The following SLC6A11 variants were observed in gnomAD, a reference collection of about 807,000 sequenced individuals.
SLC6A11 encodes sodium- and chloride-dependent GABA transporter 3.
Under a neutral mutation model 74.8 loss-of-function variants are expected in SLC6A11, and 25 were observed. The ratio of observed to expected loss-of-function variants is 0.33; its 90% CI spans 0.24 to 0.47. The LOEUF (loss-of-function observed/expected upper bound fraction) is 0.47. Among genes scored for constraint, SLC6A11 ranks in the 20% least tolerant of loss-of-function variants. The pLI, the probability that SLC6A11 is intolerant of heterozygous loss-of-function variation, is 1.00. For missense variants in SLC6A11, 574 were observed against 837.0 expected (o/e 0.69, Z 3.88); for synonymous variants, 330 against 330.2 (o/e 1.00, Z 0.01).
chr3:10,851,962 G>A (rs139675154), intron 5 of SLC6A11, among the ~76,000 whole-genome samples: 2 of 152,346 alleles, frequency 1.3e-5, no homozygotes, highest in East Asian at 3.9e-4. Context: ...GAGCCATCAG[G>A]AGCCCCACAC....
chr3:10,904,582 C>T (rs533122994), intron 6 of SLC6A11, among the ~76,000 whole-genome samples: 7 of 152,260 alleles, frequency 4.6e-5, no homozygotes, highest in Admixed American at 1.3e-4. Context: ...CAAATTGTGT[C>T]GAGAAATAGG....
intron 4 of SLC6A11, among the ~76,000 whole-genome samples, chr3:10,843,209 G>T (rs1348619938): frequency 6.6e-6 from 1 of 152,154 alleles, no homozygotes; most frequent in Non-Finnish European, 1.5e-5. Context: ...CAACTCTGAA[G>T]AATTGGTGGG....
At chr3:10,897,549 A>G (rs1211403893) in intron 6 of SLC6A11, among the ~76,000 whole-genome samples, 2 of 152,244 alleles carry the variant, frequency 1.3e-5, no homozygotes, top group Admixed American at 6.5e-5. Context: ...TTAAAGCTCC[A>G]AAATGATCTC....
chr3:10,835,326 T>TG (rs963619446), intron 4 of SLC6A11, among the ~76,000 whole-genome samples: 3 of 152,154 alleles, frequency 2.0e-5, no homozygotes, highest in East Asian at 1.9e-4. Flanking sequence ...AGCCATGGGG[T>TG]GGGGGAGGCC....
intron 6 of SLC6A11, among the ~76,000 whole-genome samples, chr3:10,876,094 G>A (rs372828705): frequency 4.6e-5 from 7 of 152,342 alleles, no homozygotes; most frequent in Admixed American, 3.3e-4. Context: ...TCAAGTCTGC[G>A]ATCTGTGGCT....
intron 5 of SLC6A11, among the ~76,000 whole-genome samples, chr3:10,849,476 C>T (rs1694545134): frequency 6.6e-6 from 1 of 152,126 alleles, no homozygotes; most frequent in African/African-American, 2.4e-5. Context: ...AATTATTGAC[C>T]AAGTCTGTTT....
At chr3:10,874,433 C>T (rs1694883793) in intron 5 of SLC6A11, among the ~76,000 whole-genome samples, 1 of 152,194 alleles carries the variant, frequency 6.6e-6, no homozygotes, top group Admixed American at 6.5e-5. Context: ...CTTGTTGCTG[C>T]ACCAGGAAGC....
intron 6 of SLC6A11, among the ~76,000 whole-genome samples, chr3:10,905,017 C>T (rs557815947): frequency 1.3e-5 from 2 of 152,282 alleles, no homozygotes; most frequent in Admixed American, 6.5e-5. Context: ...ACCAAACCCA[C>T]GGAAGGGCTG....
intron 4 of SLC6A11, among the ~76,000 whole-genome samples, chr3:10,842,669 C>G (rs985091991): frequency 6.6e-6 from 1 of 151,914 alleles, no homozygotes; most frequent in Non-Finnish European, 1.5e-5. Context: ...CCATATGATG[C>G]TTACCTTTTT....
Position 10,816,482 on chromosome 3 carries a change from G to C in SLC6A11, c.217G>C (p.Val73Leu). Residue 73 changes from valine to leucine, a missense_variant, in exon 1 of 14, where the codon GTG becomes CTG. Physicochemically the swap from Val to Leu is conservative, Grantham distance 32. Transcript: ENST00000254488. The surrounding 1 kb of genome is among the most constrained non-coding windows in gnomAD (Gnocchi z 4.2). Reference sequence around the variant, plus strand: ...CGGGGAGATCATTGGGCTGGGCAACGTGTGGCGCTTCCCCTACCTGTGCTA... The same window carrying C: ...CGGGGAGATCATTGGGCTGGGCAACCTGTGGCGCTTCCCCTACCTGTGCTA... ...VAGEIIGLGN[V>L]WRFPYLCYKN... 6.2e-7 allele frequency: 1 copy of C among 1,605,082 alleles called. No individual in the cohort carries two copies. The highest frequency in any genetic ancestry group is 2.3e-5 in the East Asian group (1 of 43,884).
At position 10,879,316 on chromosome 3, in the gene SLC6A11, G is replaced by A. The variant is rs112189406; in HGVS notation, c.891+4221G>A. ...TTTCTGTGGCATAAATAAGGATCGC[G>A]ACCCCAAGAGGGAAAGGAAAACAAA... On this transcript the variant is annotated intron_variant, in intron 6 of 13. Coordinates refer to ENST00000254488, the MANE Select transcript of SLC6A11 (RefSeq NM_014229.3). Among the ~76,000 whole-genome samples, 1,178 of 152,212 alleles carry A rather than the reference G, an allele frequency of 7.7e-3. 19 individuals carry two copies. Among genetic ancestry groups the A allele is most frequent in the African/African-American group, 0.027 (1,105 of 41,528 alleles).
chr3:10,865,036 T>C (rs920180213), intron 5 of SLC6A11, among the ~76,000 whole-genome samples: 2 of 152,222 alleles, frequency 1.3e-5, no homozygotes, highest in Non-Finnish European at 2.9e-5. Flanking sequence ...TTGTCTGTGG[T>C]CTTGAACCCT....
chr3:10,892,127 C>T (rs1420026464), intron 6 of SLC6A11, among the ~76,000 whole-genome samples: 9 of 152,318 alleles, frequency 5.9e-5, no homozygotes, highest in African/African-American at 1.4e-4. Flanking sequence ...AGCAAGATGA[C>T]GGGTCTTTGA....
chr3:10,831,793 C>T (rs781369342), intron 4 of SLC6A11, among the ~76,000 whole-genome samples: 8 of 152,320 alleles, frequency 5.3e-5, no homozygotes, highest in Admixed American at 3.9e-4. Flanking sequence ...ATCCCATTTA[C>T]AGTAGTCTGT....
chr3:10,906,415 G>C (rs1309580089), intron 6 of SLC6A11, among the ~76,000 whole-genome samples: 1 of 152,194 alleles, frequency 6.6e-6, no homozygotes, highest in Non-Finnish European at 1.5e-5. Context: ...AGTGACATCT[G>C]CATGATGTCA....
At chr3:10,843,804 C>A (rs1156946970) in intron 4 of SLC6A11, among the ~76,000 whole-genome samples, 1 of 152,134 alleles carries the variant, frequency 6.6e-6, no homozygotes, top group Non-Finnish European at 1.5e-5. Context: ...CACCTGTTGG[C>A]CAAACAATGT....
rs1378387169 is a variant in SLC6A11 at position 10,939,859 on chromosome 3, C to T, written c.*1457C>T. The T allele has an allele frequency of 6.6e-6, 1 of 152,240 alleles. No individual in the cohort carries two copies. The allele number at this position is 152,240 out of a possible 1,614,324, so 9.4% of individuals were successfully genotyped here. A position where few individuals can be genotyped will look rare whatever the true frequency, so the allele number is the denominator to read the frequency against. ...CTCTCTGGCTGATACCGCTCTTCTT[C>T]TTTAATTGGACTTCATATCAAGCCT... On this transcript the variant is annotated 3_prime_UTR_variant, in exon 14 of 14. Transcript: ENST00000254488.
At chr3:10,844,077 T>TC (rs1694471908) in intron 4 of SLC6A11, 137 bp from the exon 5 acceptor site, 1 of 984,774 alleles carries the variant, frequency 1.0e-6, no homozygotes, top group Admixed American at 2.4e-5. Flanking sequence ...CCCCAAGTCC[T>TC]CCCCAGAGGA....
intron 7 of SLC6A11, among the ~76,000 whole-genome samples, chr3:10,912,714 G>C (rs1015429670): frequency 2.0e-5 from 3 of 152,244 alleles, no homozygotes; most frequent in African/African-American, 2.4e-5. Flanking sequence ...GCGAGCCCCA[G>C]TGTCTGACCC....
Sources: gnomAD v4.1 joint callset for allele counts (sites outside exome capture counted in the v4.1 genomes callset) on GRCh38, gnomAD v4.1.1 for gene constraint, Gnocchi (gnomAD v3.1) non-coding constraint, MANE v1.5 for transcripts, NCBI Gene and HGNC (gene_info 2026-07-23, HGNC 2026-07-21) for gene names.